Variants in APC2 observed in about 807,000 individuals in gnomAD.
The protein encoded by APC2 is APC regulator of Wnt signaling pathway 2.
APC2 carries 41 observed loss-of-function variants against 72.5 expected under a neutral mutation model. The ratio of observed to expected loss-of-function variants is 0.57; its 90% confidence interval spans 0.44 to 0.73. The LOEUF (loss-of-function observed/expected upper bound fraction) is 0.73. Among genes scored for constraint, APC2 ranks in the 30% least tolerant of loss-of-function variants. The probability of loss-of-function intolerance (pLI) is 0.00; values close to 1 mark genes in which losing one functional copy is unlikely to be tolerated. For missense variants in APC2, 3,729 were observed against 3,403.4 expected (o/e 1.10, Z -2.38); for synonymous variants, 1,898 against 1,612.0 (o/e 1.18, Z -4.25).
At chr19:1,456,788 G>T (rs2083834687) in intron 8 of APC2, 65 bp from the exon 9 acceptor site, 2 of 1,533,302 alleles carry the variant, frequency 1.3e-6, no homozygotes, top group South Asian at 2.4e-5. Flanking sequence ...ACAGGGCTCC[G>T]ACCGGGTTTC....
chr19:1,468,425 G>T lies in APC2; in HGVS notation c.5124G>T (p.Arg1708=). Residue 1708 remains arginine, a synonymous_variant, in exon 15 of 15, where the codon CGG becomes CGT. Transcript: ENST00000590469. ...TGCACCAGGCAGCAGCTGCCACGCG[G>T]GAGGCCTCGTCCGAGTCCGACTCCA... ...TWLHQAAAAT[R]EASSESDSIL... 1.3e-6 allele frequency: 2 copies of T among 1,591,916 alleles called. No individual in the cohort carries two copies. Among genetic ancestry groups the T allele is most frequent in the East Asian group, 2.3e-5 (1 of 43,698 alleles).
At position 1,455,448 on chromosome 19, in the gene APC2, C is replaced by T. The variant is rs766873657; in HGVS notation, c.587C>T (p.Ser196Leu). Residue 196 changes from serine to leucine, a missense_variant, in exon 6 of 15, where the codon TCG becomes TTG. Physicochemically the swap from Ser to Leu is moderately radical, Grantham distance 145. Transcript: ENST00000590469. ...GAGTTCGAGGCCCAGCACATCCGCT[C>T]GCTGATGGAGGAGCGCTTCGGCACC... ...QLEFEAQHIR[S>L]LMEERFGTSD... 8.1e-6 allele frequency: 13 copies of T among 1,606,950 alleles called. 1 individual carries two copies. In the South Asian group the frequency reaches 1.4e-4, roughly 18 times the overall value.
Position 1,468,424 on chromosome 19 carries a change from G to A in APC2, c.5123G>A (p.Arg1708Gln), listed in dbSNP as rs775525292. ...TWLHQAAAAT[R>Q]EASSESDSIL... is the part of the protein sequence containing the mutation. Reference sequence around the variant, plus strand: ...CTGCACCAGGCAGCAGCTGCCACGCGGGAGGCCTCGTCCGAGTCCGACTCC... The same window carrying A: ...CTGCACCAGGCAGCAGCTGCCACGCAGGAGGCCTCGTCCGAGTCCGACTCC... Residue 1708 changes from arginine (R) to glutamine (Q), a missense_variant, in exon 15 of 15, where the codon CGG becomes CAG. By Grantham distance (43) the Arg-to-Gln change is conservative (BLOSUM62 1). Transcript: ENST00000590469. 32 of 1,591,408 alleles carry A rather than the reference G, an allele frequency of 2.0e-5. No homozygotes were observed. The highest frequency in any genetic ancestry group is 4.0e-5 in the African/African-American group (3 of 74,422).
chr19:1,465,499 G>A lies in APC2; in HGVS notation c.2198G>A (p.Arg733Gln), dbSNP rs949864607. Residue 733 changes from arginine (R) to glutamine (Q), a missense_variant, in exon 15 of 15, where the codon CGG becomes CAG. Transcript: ENST00000590469. ...QRALEAELDA[R>Q]HLAQALEHLE... is the part of the protein sequence containing the mutation. ...GCGCTGGAGGCCGAGCTGGACGCAC[G>A]GCACCTCGCGCAGGCGCTGGAGCAC... 20 of 1,524,860 alleles carry A rather than the reference G, an allele frequency of 1.3e-5. No homozygotes were observed. The highest frequency in any genetic ancestry group is 1.1e-4 in the African/African-American group (8 of 71,712). 94.5% of individuals were successfully genotyped at this position (1,524,860 alleles called of 1,614,324 possible). A position where few individuals can be genotyped will look rare whatever the true frequency, so the allele number is the denominator to read the frequency against.
rs186651264 is a variant in APC2 at position 1,452,708 on chromosome 19, G to T, written c.-18-276G>T. On this transcript the variant is annotated intron_variant, in intron 1 of 14. Transcript: ENST00000590469. The surrounding 1 kb of genome is among the most constrained non-coding windows in gnomAD (Gnocchi z 5.1). ...CGACCCATCGTCTGTCGGTCGACTG[G>T]TCAGTTGGACGTTCAGCTGTCTGTA... 1.3e-4 allele frequency: 55 copies of T among 432,080 alleles called. No individual in the cohort carries two copies. The highest frequency in any genetic ancestry group is 1.0e-3 in the African/African-American group (51 of 50,404). 26.8% of individuals were successfully genotyped at this position (432,080 alleles called of 1,614,324 possible).
rs199699847 is a variant in APC2 at position 1,460,867 on chromosome 19, G to A, written c.1521+10G>A. 9.9e-5 allele frequency: 160 copies of A among 1,613,114 alleles called. No individual in the cohort carries two copies. Among genetic ancestry groups the A allele is most frequent in the Admixed American group, 3.3e-4 (20 of 60,018 alleles). On this transcript the variant is annotated intron_variant, in intron 12 of 14. Coordinates refer to ENST00000590469, the MANE Select transcript of APC2 (RefSeq NM_005883.3). ...TGAGGAGCTCCACCAGGTACAGGGC[G>A]GGGTGCTGGGAAAGCCTTCCAGGGT...
chr19:1,447,311 C>T (rs898905737), upstream of APC2, among the ~76,000 whole-genome samples: 11 of 152,198 alleles, frequency 7.2e-5, no homozygotes, highest in Non-Finnish European at 7.3e-5. Context: ...ATCAAGGGGG[C>T]GGGGACAGCT....
chr19:1,458,426 C>G, intron 10 of APC2: 1 of 220,010 alleles, frequency 4.5e-6, no homozygotes, highest in Non-Finnish European at 9.0e-6. Context: ...AACATCTTCT[C>G]TTTGTCAATA....
In APC2 at chr19:1,457,153, G is replaced by C. The variant is rs1354088546; in HGVS notation, c.1117G>C (p.Val373Leu). 2 of 1,587,312 alleles carry C rather than the reference G, an allele frequency of 1.3e-6. No individual in the cohort carries two copies. The highest frequency in any genetic ancestry group is 1.7e-6 in the Non-Finnish European group (2 of 1,169,536). ...GCGCAAGGAGATGCGCGTCCTGCACGTGCTGGAGCAGATCCGGGCCTACTG... is the reference window on the plus strand; with the variant it reads ...GCGCAAGGAGATGCGCGTCCTGCACCTGCTGGAGCAGATCCGGGCCTACTG... The part of the protein sequence containing the change: ...LARKEMRVLH[V>L]LEQIRAYCET... The change falls in exon 9 of 15, where the codon GTG (valine) becomes CTG (leucine). Residue 373 changes from valine to leucine, a missense_variant. Physicochemically the swap from Val to Leu is conservative, Grantham distance 32. Coordinates refer to ENST00000590469, the MANE Select transcript of APC2 (RefSeq NM_005883.3).
chr19:1,449,695 C>T (rs1160733091), upstream of APC2, among the ~76,000 whole-genome samples: 1 of 151,916 alleles, frequency 6.6e-6, no homozygotes, highest in Non-Finnish European at 1.5e-5. Context: ...TGGACCCGAA[C>T]CCTGTCCCAC....
At position 1,468,288 on chromosome 19, in the gene APC2, G is replaced by C. The variant is rs1277723154; in HGVS notation, c.4987G>C (p.Glu1663Gln). The C allele has an allele frequency of 8.4e-6, 13 of 1,539,162 alleles. No individual in the cohort carries two copies. The highest frequency in any genetic ancestry group is 6.9e-5 in the African/African-American group (5 of 72,178). Residue 1663 changes from glutamate to glutamine, a missense_variant, in exon 15 of 15, where the codon GAG becomes CAG. By Grantham distance (29) the Glu-to-Gln change is conservative. Coordinates refer to ENST00000590469, the MANE Select transcript of APC2 (RefSeq NM_005883.3). ...RATRLDERPA[E>Q]GSRERGEEAA... Reference sequence around the variant, plus strand: ...CACCCGGCTGGATGAGCGGCCCGCAGAGGGGTCCCGGGAACGCGGCGAGGA... The same window carrying C: ...CACCCGGCTGGATGAGCGGCCCGCACAGGGGTCCCGGGAACGCGGCGAGGA...
At chr19:1,461,756 G>A in intron 13 of APC2, 1 of 564,864 alleles carries the variant, frequency 1.8e-6, no homozygotes, top group Non-Finnish European at 3.1e-6. Context: ...GGAGGCTGAG[G>A]CAGGAGAATC....
intron 6 of APC2, 122 bp downstream of exon 6, chr19:1,455,622 G>C (rs191905247): frequency 5.1e-6 from 5 of 975,786 alleles, no homozygotes; most frequent in Non-Finnish European, 7.6e-6. Context: ...TCCTGGGTTG[G>C]GGGGCGCGGG....
Position 1,465,737 on chromosome 19 carries a change from G to C in APC2, c.2436G>C (p.Gln812His). 1 of 1,549,116 alleles carries C rather than the reference G, an allele frequency of 6.5e-7. No homozygotes were observed. The highest frequency in any genetic ancestry group is 2.4e-5 in the East Asian group (1 of 41,632). ...TCTTCCTGGGCAGCCCCTTCCTGCAGGGGCAGGCGCTGGCTCGCACCCCGC... is the reference window on the plus strand; with the variant it reads ...TCTTCCTGGGCAGCCCCTTCCTGCACGGGCAGGCGCTGGCTCGCACCCCGC... ...LSLFLGSPFL[Q>H]GQALARTPPT... Residue 812 changes from glutamine (Q) to histidine (H), a missense_variant, in exon 15 of 15, where the codon CAG becomes CAC. Transcript: ENST00000590469.
intron 14 of APC2, among the ~76,000 whole-genome samples, chr19:1,463,900 C>T (rs144648549): frequency 0.041 from 6,176 of 152,160 alleles, 151 homozygotes; most frequent in Middle Eastern, 0.092. Context: ...ATTGGCTGGG[C>T]GCGGTGGCTC....
chr19:1,457,366 C>T, intron 9 of APC2, 123 bp downstream of exon 9: 1 of 1,359,608 alleles, frequency 7.4e-7, no homozygotes, highest in East Asian at 2.8e-5. Flanking sequence ...GGCTGCAGTA[C>T]CAGGCTCCGG....
chr19:1,451,102 A>G (rs1174992858), intron 1 of APC2, among the ~76,000 whole-genome samples: 3 of 152,166 alleles, frequency 2.0e-5, no homozygotes, highest in Non-Finnish European at 4.4e-5. Context: ...GAGGCCAGGA[A>G]GAGGCTGATC....
rs1298237938 is a variant in APC2 at position 1,470,561 on chromosome 19, C to G, written c.*348C>G. ...GCGAGGGAGGCGGTAGCCTCCGGGT[C>G]CGGGTCTGGGTCTGGGTCCGCTGCT... On this transcript the variant is annotated 3_prime_UTR_variant, in exon 15 of 15. Coordinates refer to ENST00000590469, the MANE Select transcript of APC2 (RefSeq NM_005883.3). 17 of 229,602 alleles carry G rather than the reference C, an allele frequency of 7.4e-5. No homozygotes were observed. Among genetic ancestry groups the G allele is most frequent in the Non-Finnish European group, 1.2e-4 (14 of 117,522 alleles). The allele number at this position is 229,602 out of a possible 1,614,324, so 14.2% of individuals were successfully genotyped here.
chr19:1,457,771 T>C, intron 9 of APC2, 194 bp from the exon 10 acceptor site: 1 of 617,978 alleles, frequency 1.6e-6, no homozygotes, highest in East Asian at 2.8e-5. Flanking sequence ...TCGCCTCCCT[T>C]CCCAAGGCTG....
Sources: allele counts gnomAD v4.1 joint callset (sites outside exome capture counted in the v4.1 genomes callset), GRCh38; gene constraint gnomAD v4.1.1; non-coding constraint Gnocchi (gnomAD v3.1); transcripts MANE v1.5; gene names NCBI Gene and HGNC (gene_info 2026-07-23, HGNC 2026-07-21).